The following TSC22D1 variants were observed in gnomAD, a reference collection of about 807,000 sequenced individuals.
TSC22D1 encodes TSC22 domain family member 1.
A neutral mutation model predicts 74.2 loss-of-function variants in TSC22D1; 9 were observed. The observed-to-expected ratio is 0.12, with a 90% CI of 0.07 to 0.21. TSC22D1 has a LOEUF of 0.21. Among genes scored for constraint, TSC22D1 ranks in the 10% least tolerant of loss-of-function variants. TSC22D1 has a pLI of 1.00. For missense variants in TSC22D1, 1,427 were observed against 1,304.7 expected (o/e 1.09, Z -1.44); for synonymous variants, 586 against 492.5 (o/e 1.19, Z -2.51).
intron 1 of TSC22D1, among the ~76,000 whole-genome samples, chr13:44,476,276 G>A (rs1190123355): frequency 6.6e-6 from 1 of 152,040 alleles, no homozygotes; most frequent in African/African-American, 2.4e-5. Context: ...AAACTGTAGG[G>A]AAACTTGTGT....
intron 1 of TSC22D1, among the ~76,000 whole-genome samples, chr13:44,515,857 A>G (rs370628372): frequency 6.6e-6 from 1 of 152,232 alleles, no homozygotes; most frequent in Non-Finnish European, 1.5e-5. Flanking sequence ...TAAAACAGGT[A>G]TAAGAGCAAA....
intron 1 of TSC22D1, among the ~76,000 whole-genome samples, chr13:44,469,689 T>C (rs919821431): frequency 1.3e-5 from 2 of 152,148 alleles, no homozygotes; most frequent in Non-Finnish European, 2.9e-5. Flanking sequence ...AAACACATAG[T>C]ACCATGCCAA....
At chr13:44,535,854 C>T (rs1881104832) in intron 1 of TSC22D1, among the ~76,000 whole-genome samples, 2 of 151,814 alleles carry the variant, frequency 1.3e-5, no homozygotes, top group African/African-American at 4.8e-5. Flanking sequence ...TTTTTAAAAA[C>T]TCATGTCACC....
At chr13:44,482,309 T>A (rs2137934906) in intron 1 of TSC22D1, among the ~76,000 whole-genome samples, 1 of 152,200 alleles carries the variant, frequency 6.6e-6, no homozygotes, top group African/African-American at 2.4e-5. Flanking sequence ...CTGAGGCAAG[T>A]GGATCACCTG....
intron 1 of TSC22D1, among the ~76,000 whole-genome samples, chr13:44,544,727 T>C (rs1881709583): frequency 6.6e-6 from 1 of 152,138 alleles, no homozygotes. Context: ...ATTATCTGTA[T>C]ATTTTCTCTT....
chr13:44,567,993 A>C (rs894963982), intron 1 of TSC22D1, among the ~76,000 whole-genome samples: 1 of 152,192 alleles, frequency 6.6e-6, no homozygotes, highest in African/African-American at 2.4e-5. Context: ...AAGGGAAGGA[A>C]AAACAAAATA....
chr13:44,560,261 C>T (rs1287385589), intron 1 of TSC22D1, among the ~76,000 whole-genome samples: 1 of 151,864 alleles, frequency 6.6e-6, no homozygotes, highest in African/African-American at 2.4e-5. Flanking sequence ...GAAACCTCGT[C>T]TCTTTTTAAA....
At chr13:44,537,729 C>A (rs1464961474) in intron 1 of TSC22D1, 1 of 983,910 alleles carries the variant, frequency 1.0e-6, no homozygotes, top group African/African-American at 1.8e-5. Context: ...TCAAATTGAA[C>A]CTTTAAACTT....
At chr13:44,546,366 A>G (rs1316635885) in intron 1 of TSC22D1, among the ~76,000 whole-genome samples, 1 of 152,178 alleles carries the variant, frequency 6.6e-6, no homozygotes, top group Non-Finnish European at 1.5e-5. Context: ...CATCACCAAT[A>G]ATGGGATGGA....
chr13:44,437,420 G>A (rs768299372), intron 1 of TSC22D1: 11 of 256,860 alleles, frequency 4.3e-5, no homozygotes, highest in Non-Finnish European at 6.7e-5. Flanking sequence ...TTTAATTTTA[G>A]AGGAAAAAAA....
At chr13:44,448,776 C>G (rs1875888024) in intron 1 of TSC22D1, among the ~76,000 whole-genome samples, 1 of 152,080 alleles carries the variant, frequency 6.6e-6, no homozygotes, top group African/African-American at 2.4e-5. Flanking sequence ...AATGGAGGCT[C>G]AAAGGCATTA....
At chr13:44,490,364 T>G (rs1424011514) in intron 1 of TSC22D1, among the ~76,000 whole-genome samples, 2 of 151,858 alleles carry the variant, frequency 1.3e-5, no homozygotes, top group African/African-American at 2.4e-5. Context: ...CTAAGTTTTT[T>G]TTTTTTTTTT....
Position 44,575,201 on chromosome 13 carries a change from T to G in TSC22D1, c.874A>C (p.Asn292His). ...SSGSPASVMT[N>H]MRAPSTTGGI... is the part of the protein sequence containing the mutation. ...CCTGTAGTACTTGGAGCACGCATAT[T>G]AGTCATTACAGATGCAGGTGAACCA... The change falls in exon 1 of 3, where the codon AAT becomes CAT. Residue 292 changes from asparagine (N) to histidine (H), a missense_variant. Transcript: ENST00000458659. The G allele has an allele frequency of 6.2e-7, 1 of 1,614,074 alleles. No individual in the cohort carries two copies. Among genetic ancestry groups the G allele is most frequent in the Non-Finnish European group, 8.5e-7 (1 of 1,180,036 alleles).
At chr13:44,530,677 A>C (rs944257505) in intron 1 of TSC22D1, among the ~76,000 whole-genome samples, 1 of 151,404 alleles carries the variant, frequency 6.6e-6, no homozygotes. Context: ...AAAAAAAAAC[A>C]AACCTGATTT....
intron 1 of TSC22D1, among the ~76,000 whole-genome samples, chr13:44,508,017 C>T (rs984468461): frequency 6.6e-6 from 1 of 152,086 alleles, no homozygotes; most frequent in African/African-American, 2.4e-5. Flanking sequence ...ATAATATATC[C>T]CAGAACTCTC....
intron 1 of TSC22D1, chr13:44,536,926 G>GGAA: frequency 2.0e-6 from 1 of 493,384 alleles, no homozygotes; most frequent in Non-Finnish European, 2.3e-6. Context: ...GTATTTTTCT[G>GGAA]AAAAAAAAAA....
rs1410541493 is a variant in TSC22D1, at chr13:44,434,711, C to T, written c.3137G>A (p.Gly1046Asp). 6.2e-7 allele frequency: 1 copy of T among 1,611,782 alleles called. No individual in the cohort carries two copies. Among genetic ancestry groups the T allele is most frequent in the Admixed American group, 1.7e-5 (1 of 59,838 alleles). Reference sequence around the variant, plus strand: ...TGGCTGGGTGGTGGCAGGGGGGGAGCCAGTCTGCAGCTGGGCCTGAAACTG... The same window carrying T: ...TGGCTGGGTGGTGGCAGGGGGGGAGTCAGTCTGCAGCTGGGCCTGAAACTG... ...LAQFQAQLQT[G>D]SPPATTQPQG... The change falls in exon 3 of 3, where the codon GGC (glycine) becomes GAC (aspartate). Residue 1046 changes from glycine (G) to aspartate (D), a missense_variant. Around this residue, in one of 3 missense-constraint regions of TSC22D1, gnomAD observed 63 missense variants for 50.5 expected, o/e 1.25. Transcript: ENST00000458659.
intron 1 of TSC22D1, among the ~76,000 whole-genome samples, chr13:44,529,964 G>A (rs769869972): frequency 6.6e-6 from 1 of 152,050 alleles, no homozygotes; most frequent in Non-Finnish European, 1.5e-5. Context: ...TTATAGATAG[G>A]AATACTCAAT....
At chr13:44,556,224 T>TAAA (rs757322742) in intron 1 of TSC22D1, among the ~76,000 whole-genome samples, 27 of 143,176 alleles carry the variant, frequency 1.9e-4, no homozygotes, top group African/African-American at 6.4e-4. Context: ...GTTCTACTGT[T>TAAA]AAAAAAAAAA....
Sources: allele counts gnomAD v4.1 joint callset (sites outside exome capture counted in the v4.1 genomes callset), GRCh38; gene constraint gnomAD v4.1.1; regional missense constraint gnomAD v4.1.1; transcripts MANE v1.5; gene names NCBI Gene and HGNC (gene_info 2026-07-23, HGNC 2026-07-21).